The following CFTR variants were observed in gnomAD, a reference collection of about 807,000 sequenced individuals.
The protein encoded by CFTR is CF transmembrane conductance regulator.
A neutral mutation model predicts 171.6 loss-of-function variants in CFTR; 181 were observed. That is an observed-to-expected ratio of 1.05 (90% CI 0.93 to 1.19). CFTR has a LOEUF of 1.19. CFTR is among the 50% of genes most tolerant of loss of function. The probability of loss-of-function intolerance (pLI) is 0.00; values close to 1 mark genes in which losing one functional copy is unlikely to be tolerated. For missense variants in CFTR, 1,968 were observed against 1,734.7 expected (o/e 1.13, Z -2.39); for synonymous variants, 583 against 608.0 (o/e 0.96, Z 0.60).
intron 22 of CFTR, among the ~76,000 whole-genome samples, chr7:117,635,288 C>T (rs1194978035): frequency 6.6e-6 from 1 of 152,040 alleles, no homozygotes; most frequent in Non-Finnish European, 1.5e-5. Flanking sequence ...GTTAAAATGA[C>T]TTAACTTTCT....
In CFTR at chr7:117,564,294, G is replaced by T. The variant is rs575943791; in HGVS notation, c.1584+4639G>T. On this transcript the variant is annotated intron_variant, in intron 11 of 26. Transcript: ENST00000003084. ...CTGGGAGTAACAGACAAAAGTAACT[G>T]AAAGTGCTCGGTTATCTTGACAGTC... 2.3e-4 allele frequency among the ~76,000 whole-genome samples: 35 copies of T among 152,326 alleles called. No individual in the cohort carries two copies. Among genetic ancestry groups the T allele is most frequent in the African/African-American group, 7.9e-4 (33 of 41,582 alleles).
At chr7:117,521,614 C>T (rs1048849774) in intron 3 of CFTR, among the ~76,000 whole-genome samples, 7 of 151,902 alleles carry the variant, frequency 4.6e-5, no homozygotes, top group South Asian at 2.1e-4. Flanking sequence ...CTTGGAATAA[C>T]GACATATAAA....
Position 117,610,509 on chromosome 7 carries a change from G to T in CFTR, c.2989-10G>T. 6.2e-7 allele frequency: 1 copy of T among 1,608,604 alleles called. No individual in the cohort carries two copies. The highest frequency in any genetic ancestry group is 1.1e-5 in the South Asian group (1 of 90,942). The stretch of plus-strand genomic sequence containing the variant: ...GTTTACTCACCAACATGTTTTCTTT[G>T]ATCTTACAGTTGTTATTAATTGTGA... On this transcript the variant is annotated splice_polypyrimidine_tract_variant and intron_variant, in intron 18 of 26. Transcript: ENST00000003084.
At chr7:117,570,382 A>G (rs892270896) in intron 11 of CFTR, among the ~76,000 whole-genome samples, 2 of 152,160 alleles carry the variant, frequency 1.3e-5, no homozygotes, top group African/African-American at 4.8e-5. Flanking sequence ...AGCACAGGAA[A>G]GGGCCTGGAA....
chr7:117,649,891 T>G (rs757437359), intron 23 of CFTR, among the ~76,000 whole-genome samples: 1 of 151,950 alleles, frequency 6.6e-6, no homozygotes. Context: ...CCTGAGGAAG[T>G]GATATTTAAT....
intron 1 of CFTR, among the ~76,000 whole-genome samples, chr7:117,501,360 T>C (rs1440037950): frequency 3.3e-5 from 5 of 152,036 alleles, no homozygotes; most frequent in African/African-American, 7.2e-5. Flanking sequence ...TTTCAGAAAA[T>C]TTGTGAGCTA....
chr7:117,603,820 A>G, intron 17 of CFTR, 38 bp downstream of exon 17: 3 of 1,609,302 alleles, frequency 1.9e-6, no homozygotes, highest in Non-Finnish European at 2.5e-6. Flanking sequence ...CTGCTGATCC[A>G]CCATCAATAG....
chr7:117,660,063 C>A (rs556219110), intron 24 of CFTR, among the ~76,000 whole-genome samples: 16 of 150,900 alleles, frequency 1.1e-4, no homozygotes, highest in African/African-American at 3.4e-4. Flanking sequence ...TGTTACAAAA[C>A]AAAATTTCTT....
Position 117,578,321 on chromosome 7 carries a change from T to C in CFTR, c.1585-9418T>C, listed in dbSNP as rs1004364997. Among the ~76,000 whole-genome samples the C allele has an allele frequency of 6.6e-6, 1 of 152,098 alleles. No homozygotes were observed. The highest frequency in any genetic ancestry group is 1.5e-5 in the Non-Finnish European group (1 of 68,002). ...TGAAGATTCACCTCCACTTAATGAA[T>C]AGTACATACATTTCTTTTTCCCCAT... On this transcript the variant is annotated intron_variant, in intron 11 of 26. Coordinates refer to ENST00000003084, the MANE Select transcript of CFTR (RefSeq NM_000492.4).
rs397508214 is a variant in CFTR, at chr7:117,559,549, A to G, written c.1478A>G (p.Gln493Arg). The G allele has an allele frequency of 2.5e-6, 4 of 1,611,870 alleles. No individual in the cohort carries two copies. The highest frequency in any genetic ancestry group is 1.3e-5 in the African/African-American group (1 of 74,866). The change falls in exon 11 of 27, where the codon CAG becomes CGG. Residue 493 changes from glutamine to arginine, a missense_variant. By Grantham distance (43) the Gln-to-Arg change is conservative. Transcript: ENST00000003084. ...AGTGGAAGAATTTCATTCTGTTCTC[A>G]GTTTTCCTGGATTATGCCTGGCACC... The part of the protein sequence containing the change: ...KHSGRISFCS[Q>R]FSWIMPGTIK...
intron 10 of CFTR, among the ~76,000 whole-genome samples, chr7:117,555,536 G>A (rs1474396011): frequency 2.6e-5 from 4 of 152,052 alleles, no homozygotes; most frequent in South Asian, 4.2e-4. Flanking sequence ...AGTGGTTCTC[G>A]CATATTTTTC....
At chr7:117,563,686 G>C (rs1781254298) in intron 11 of CFTR, among the ~76,000 whole-genome samples, 1 of 152,174 alleles carries the variant, frequency 6.6e-6, no homozygotes, top group South Asian at 2.1e-4. Context: ...TGCTAACAAA[G>C]TACTAGTGGA....
chr7:117,546,559 TTTCTC>T (rs1562894327), intron 9 of CFTR, among the ~76,000 whole-genome samples: 1 of 152,184 alleles, frequency 6.6e-6, no homozygotes. Context: ...CTACAGGTGA[TTTCTC>T]TTTTCTTATT....
In CFTR at chr7:117,540,159, T is replaced by G; in HGVS notation, c.929T>G (p.Phe310Cys). The change falls in exon 8 of 27, where the codon TTC becomes TGC. Residue 310 changes from phenylalanine to cysteine, a missense_variant. Transcript: ENST00000003084. ...AYVRYFNSSA[F>C]FFSGFFVVFL... ...GTGAGATACTTCAATAGCTCAGCCT[T>G]CTTCTTCTCAGGGTTCTTTGTGGTG... 1.2e-6 allele frequency: 2 copies of G among 1,613,770 alleles called. No individual in the cohort carries two copies. The highest frequency in any genetic ancestry group is 1.7e-6 in the Non-Finnish European group (2 of 1,179,758).
chr7:117,612,766 A>C (rs1003385530), intron 20 of CFTR, among the ~76,000 whole-genome samples: 3 of 152,100 alleles, frequency 2.0e-5, no homozygotes, highest in Non-Finnish European at 4.4e-5. Context: ...CAAGAGAGTC[A>C]GCTGCAGCTC....
chr7:117,646,814 C>A (rs988263377), intron 23 of CFTR, among the ~76,000 whole-genome samples: 1 of 151,956 alleles, frequency 6.6e-6, no homozygotes, highest in South Asian at 2.1e-4. Context: ...AGGTACAATG[C>A]AATTTTATTA....
intron 18 of CFTR, among the ~76,000 whole-genome samples, chr7:117,609,830 C>T (rs1225170874): frequency 6.6e-6 from 1 of 151,976 alleles, no homozygotes; most frequent in Non-Finnish European, 1.5e-5. Context: ...TTTAAAGTGT[C>T]TGGGAAATGA....
At chr7:117,586,602 CA>C (rs1199727540) in intron 11 of CFTR, among the ~76,000 whole-genome samples, 4 of 151,882 alleles carry the variant, frequency 2.6e-5, no homozygotes, top group Non-Finnish European at 5.9e-5. Flanking sequence ...ATAAATGGAA[CA>C]AATGAATAAC....
Position 117,667,406 on chromosome 7 carries a change from T to A in CFTR, c.*298T>A, listed in dbSNP as rs151066046. 4.8e-5 allele frequency: 19 copies of A among 394,072 alleles called. No homozygotes were observed. In the East Asian group the frequency reaches 1.1e-3, roughly 24 times the overall value. 24.4% of individuals were successfully genotyped at this position (394,072 alleles called of 1,614,324 possible). A position where few individuals can be genotyped will look rare whatever the true frequency, so the allele number is the denominator to read the frequency against. ...CCTGAAAACCCTTGCCATGTGCTAG[T>A]AATTGGAAAGGCAGCTCTAAATGTC... On this transcript the variant is annotated 3_prime_UTR_variant, in exon 27 of 27. Coordinates refer to ENST00000003084, the MANE Select transcript of CFTR (RefSeq NM_000492.4).
Sources: gnomAD v4.1 joint callset for allele counts (sites outside exome capture counted in the v4.1 genomes callset) on GRCh38, gnomAD v4.1.1 for gene constraint, MANE v1.5 for transcripts, NCBI Gene and HGNC (gene_info 2026-07-23, HGNC 2026-07-21) for gene names.